The following SOX6 variants were observed in gnomAD, a reference collection of about 807,000 sequenced individuals.
SOX6 encodes the protein transcription factor SOX-6.
A neutral mutation model predicts 97.8 loss-of-function variants in SOX6; 11 were observed. The observed-to-expected ratio is 0.11, with a 90% confidence interval of 0.07 to 0.19. The LOEUF (loss-of-function observed/expected upper bound fraction) is 0.19, where lower values mean the gene tolerates loss of function less well. Ranked by LOEUF, SOX6 falls within the 10% of genes least tolerant of loss-of-function variation. SOX6 has a pLI of 1.00. For missense variants in SOX6, 810 were observed against 1,039.5 expected (o/e 0.78, Z 3.04); for synonymous variants, 360 against 371.4 (o/e 0.97, Z 0.35).
chr11:16,079,263 G>A (rs1023090406), intron 9 of SOX6, among the ~76,000 whole-genome samples: 1 of 152,088 alleles, frequency 6.6e-6, no homozygotes, highest in African/African-American at 2.4e-5. Flanking sequence ...GCAAGCATGG[G>A]TAACTGTGTA....
chr11:16,122,573 T>C (rs1375301901), intron 6 of SOX6, among the ~76,000 whole-genome samples: 3 of 152,152 alleles, frequency 2.0e-5, no homozygotes, highest in South Asian at 2.1e-4. Context: ...ATGAAGGCAA[T>C]CTGGCTTTCA....
chr11:16,520,435 T>C (rs1861040622), intron 4 of SOX6, among the ~76,000 whole-genome samples: 1 of 152,240 alleles, frequency 6.6e-6, no homozygotes, highest in Non-Finnish European at 1.5e-5. Context: ...AACTTGTTTA[T>C]TAACCGTGTC....
chr11:16,597,776 C>T (rs1008246981), intron 4 of SOX6, among the ~76,000 whole-genome samples: 6 of 152,010 alleles, frequency 3.9e-5, no homozygotes, highest in Non-Finnish European at 5.9e-5. Flanking sequence ...ATGATCAATA[C>T]TATATAGCAA....
intron 6 of SOX6, among the ~76,000 whole-genome samples, chr11:16,135,390 C>T (rs748831886): frequency 1.3e-5 from 2 of 152,060 alleles, no homozygotes; most frequent in African/African-American, 4.8e-5. Flanking sequence ...CAAATCTAGG[C>T]AAAATAAATT....
chr11:16,038,391 C>T (rs1043481998), intron 12 of SOX6, among the ~76,000 whole-genome samples: 3 of 151,280 alleles, frequency 2.0e-5, no homozygotes, highest in African/African-American at 7.3e-5. Flanking sequence ...TTGCTCTTAT[C>T]AACAAACTTA....
At chr11:16,009,795 A>G (rs576421101) in intron 13 of SOX6, among the ~76,000 whole-genome samples, 5 of 152,032 alleles carry the variant, frequency 3.3e-5, no homozygotes, top group Non-Finnish European at 5.9e-5. Flanking sequence ...TTTACATTCC[A>G]AAGTATATGC....
At chr11:16,495,439 C>A (rs1330551108) in intron 4 of SOX6, among the ~76,000 whole-genome samples, 2 of 152,174 alleles carry the variant, frequency 1.3e-5, no homozygotes, top group Non-Finnish European at 2.9e-5. Context: ...AGTGCCACAT[C>A]ATCTGGGTGC....
At chr11:16,499,853 G>A (rs565033975) in intron 4 of SOX6, among the ~76,000 whole-genome samples, 5 of 152,252 alleles carry the variant, frequency 3.3e-5, no homozygotes, top group South Asian at 2.1e-4. Context: ...AGGACCAGAC[G>A]GAGTCACAGC....
At position 15,984,530 on chromosome 11, in the gene SOX6, T is replaced by C. The variant is rs187253107; in HGVS notation, c.2183+1674A>G. On this transcript the variant is annotated intron_variant, in intron 15 of 15. Transcript: ENST00000683767. ...TTAAAAGAGAATGTTTATCACATAA[T>C]CTTAAAGTGGACTATGAATTAGTAT... is the stretch of plus-strand genomic sequence containing the variant. Among the ~76,000 whole-genome samples the C allele has an allele frequency of 2.6e-4, 40 of 152,348 alleles. No individual in the cohort carries two copies. In the East Asian group the frequency reaches 7.3e-3, roughly 28 times the overall value.
chr11:16,379,463 T>A (rs1857743025), intron 1 of SOX6, among the ~76,000 whole-genome samples: 1 of 150,908 alleles, frequency 6.6e-6, no homozygotes, highest in African/African-American at 2.4e-5. Flanking sequence ...CAAAACTCCA[T>A]CTCAAAAAAA....
intron 4 of SOX6, among the ~76,000 whole-genome samples, chr11:16,571,691 A>G (rs1847940629): frequency 6.6e-6 from 1 of 152,130 alleles, no homozygotes; most frequent in Non-Finnish European, 1.5e-5. Context: ...TTGCTCTGTC[A>G]CCCAGGCTGG....
chr11:16,530,250 T>C (rs948770094), intron 4 of SOX6, among the ~76,000 whole-genome samples: 3 of 152,008 alleles, frequency 2.0e-5, no homozygotes, highest in Non-Finnish European at 2.9e-5. Flanking sequence ...ATAAACCTCA[T>C]TGGACAAGGC....
intron 1 of SOX6, among the ~76,000 whole-genome samples, chr11:16,371,471 T>C (rs568441129): frequency 2.5e-4 from 38 of 151,976 alleles, no homozygotes; most frequent in African/African-American, 9.2e-4. Context: ...TTTTTCTTTT[T>C]TTTAAAAAAA....
chr11:16,117,855 C>T (rs1196667934), intron 6 of SOX6, among the ~76,000 whole-genome samples: 2 of 152,080 alleles, frequency 1.3e-5, no homozygotes, highest in African/African-American at 4.8e-5. Context: ...AAACAGCAAC[C>T]CCCAAAAATA....
intron 1 of SOX6, among the ~76,000 whole-genome samples, chr11:16,349,179 G>A (rs1188709789): frequency 2.0e-5 from 3 of 152,086 alleles, no homozygotes; most frequent in Non-Finnish European, 4.4e-5. Context: ...TTAGAAAAGT[G>A]ATTTTATTTC....
chr11:16,410,759 CAAAAAAAAAAAA>C (rs71044100), intron 1 of SOX6, among the ~76,000 whole-genome samples: 1 of 64,390 alleles, frequency 1.6e-5, no homozygotes, highest in Admixed American at 1.9e-4. Flanking sequence ...AACCGGTCTC[CAAAAAAAAAAAA>C]AAAAAAAAGA....
upstream of SOX6, among the ~76,000 whole-genome samples, chr11:16,357,147 T>C (rs1042418118): frequency 6.6e-6 from 1 of 152,080 alleles, no homozygotes; most frequent in African/African-American, 2.4e-5. Flanking sequence ...GAGGTCATCA[T>C]TGGCACGAAA....
chr11:16,402,955 G>A, intron 1 of SOX6: 1 of 897,900 alleles, frequency 1.1e-6, no homozygotes, highest in Non-Finnish European at 1.7e-6. Context: ...CACCAAGGTG[G>A]GGGAGAAACA....
intron 12 of SOX6, among the ~76,000 whole-genome samples, chr11:16,041,060 A>G (rs1855648885): frequency 6.6e-6 from 1 of 152,102 alleles, no homozygotes; most frequent in South Asian, 2.1e-4. Context: ...TGTTGTCTTG[A>G]GAATAGGTTG....
Sources: allele counts gnomAD v4.1 joint callset (sites outside exome capture counted in the v4.1 genomes callset), GRCh38; gene constraint gnomAD v4.1.1; transcripts MANE v1.5; gene names NCBI Gene and HGNC (gene_info 2026-07-23, HGNC 2026-07-21).